NDUFAF6: variants seen among roughly 807,000 people sequenced by gnomAD.
The protein encoded by NDUFAF6 is NADH dehydrogenase (ubiquinone) complex I, assembly factor 6.
Under a neutral mutation model 40.8 loss-of-function variants are expected in NDUFAF6, and 45 were observed. The observed-to-expected ratio is 1.10, with a 90% CI of 0.87 to 1.42. NDUFAF6 has a LOEUF of 1.42. Ranked by LOEUF, NDUFAF6 falls within the 40% of genes most tolerant of loss-of-function variation. The pLI is 0.00. For synonymous variants in NDUFAF6, 185 were observed against 155.9 expected, an observed-to-expected ratio of 1.19 and a Z score of -1.39; for missense variants, 435 against 418.5, an observed-to-expected ratio of 1.04 and a Z score of -0.34.
Position 95,044,451 on chromosome 8 carries a change from C to CTTTTTTTTTTTTTTTTTTTTTTT in NDUFAF6, c.478-1076_478-1075insTTTTTTTTTTTTTTTTTTTTTTT, listed in dbSNP as rs71273446. ...CTGGAATCATTGCTGATGTCATTTT[C>CTTTTTTTTTTTTTTTTTTTTTTT]TTTTTTTTTTTTTTTTTTGAGACAG... On this transcript the variant is annotated intron_variant, in intron 4 of 8. Coordinates refer to ENST00000396124, the MANE Select transcript of NDUFAF6 (RefSeq NM_152416.4). The CTTTTTTTTTTTTTTTTTTTTTTT allele has an allele frequency of 2.4e-5, 3 of 123,710 alleles. 1 individual carries two copies. Among genetic ancestry groups the CTTTTTTTTTTTTTTTTTTTTTTT allele is most frequent in the Non-Finnish European group, 1.6e-5 (1 of 62,814 alleles). The allele number at this position is 123,710 out of a possible 1,614,324, so 7.7% of individuals were successfully genotyped here. A position where few individuals can be genotyped will look rare whatever the true frequency, so the allele number is the denominator to read the frequency against.
intron 1 of NDUFAF6, among the ~76,000 whole-genome samples, chr8:94,907,478 A>T (rs1218723336): frequency 6.6e-6 from 1 of 152,198 alleles, no homozygotes; most frequent in African/African-American, 2.4e-5. Context: ...TCAATCATAC[A>T]TTTGCAGAAT....
chr8:95,105,584 G>A (rs1347407028), downstream of NDUFAF6, among the ~76,000 whole-genome samples: 1 of 152,110 alleles, frequency 6.6e-6, no homozygotes, highest in Non-Finnish European at 1.5e-5. Context: ...GCCCAGGCTG[G>A]AGTGCCTCCT....
chr8:94,962,191 T>C (rs1823633937), intron 1 of NDUFAF6, among the ~76,000 whole-genome samples: 1 of 152,198 alleles, frequency 6.6e-6, no homozygotes. Context: ...TACACAATGC[T>C]CAGAGGCACA....
intron 2 of NDUFAF6, among the ~76,000 whole-genome samples, chr8:95,005,526 A>AATATATATATATATATAT (rs760333438): frequency 2.1e-3 from 15 of 7,270 alleles, no homozygotes; most frequent in African/African-American, 0.011. Flanking sequence ...GGTCCTTTTA[A>AATATATATATATATATAT]ATATATATAT....
At chr8:95,094,172 A>T (rs1301012777) in intron 2 of NDUFAF6, among the ~76,000 whole-genome samples, 1 of 152,100 alleles carries the variant, frequency 6.6e-6, no homozygotes, top group Non-Finnish European at 1.5e-5. Context: ...GGTTTTCGCC[A>T]TGTTGGCCAG....
chr8:95,065,686 GCTTAAGCCACCATCCCATGGAATATT>G (rs141092477), intron 9 of NDUFAF6, among the ~76,000 whole-genome samples: 10,560 of 152,148 alleles, frequency 0.069, 530 homozygotes, highest in Non-Finnish European at 0.11. Context: ...AAATAAAGTT[GCTTAAGCCACCATCCCATGGAATATT>G]CTCTGAAAAG....
chr8:94,938,734 G>C (rs1395726413), intron 1 of NDUFAF6, among the ~76,000 whole-genome samples: 1 of 152,216 alleles, frequency 6.6e-6, no homozygotes, highest in African/African-American at 2.4e-5. Context: ...GAGGGCATGG[G>C]CCTTGCCTTA....
upstream of NDUFAF6, among the ~76,000 whole-genome samples, chr8:94,954,998 A>G (rs542450438): frequency 1.4e-4 from 22 of 152,196 alleles, no homozygotes; most frequent in Non-Finnish European, 2.5e-4. Context: ...GCTGTCTGGT[A>G]AGGAAGGAAA....
chr8:95,039,368 G>A lies in NDUFAF6; in HGVS notation c.421-2202G>A, dbSNP rs567100876. The stretch of plus-strand genomic sequence containing the variant: ...CTCGGGAGGCTGAGGCAGGAGAATC[G>A]CTTGAACCGGGGAGGTGGAGGTTGC... On this transcript the variant is annotated intron_variant, in intron 3 of 8. Transcript: ENST00000396124. 1.6e-4 allele frequency among the ~76,000 whole-genome samples: 24 copies of A among 151,832 alleles called. No homozygotes were observed. The East Asian group carries it at 3.5e-3, about 22-fold the overall frequency.
chr8:94,923,508 C>T (rs1289989116), intron 1 of NDUFAF6, among the ~76,000 whole-genome samples: 2 of 152,134 alleles, frequency 1.3e-5, no homozygotes, highest in Non-Finnish European at 1.5e-5. Flanking sequence ...CTAACCTATT[C>T]CACTTCCTGT....
At chr8:95,060,278 A>G (rs540380428), downstream of NDUFAF6, among the ~76,000 whole-genome samples, 1 of 152,126 alleles carries the variant, frequency 6.6e-6, no homozygotes. Flanking sequence ...TGATTTTTTC[A>G]AATCTCTGGG....
chr8:94,960,962 C>T (rs1048102015), intron 1 of NDUFAF6, among the ~76,000 whole-genome samples: 2 of 152,130 alleles, frequency 1.3e-5, no homozygotes, highest in African/African-American at 4.8e-5. Flanking sequence ...TAATTATTAC[C>T]CAAGAAAACA....
At chr8:95,064,323 T>G (rs527817937) in intron 9 of NDUFAF6, among the ~76,000 whole-genome samples, 10 of 152,264 alleles carry the variant, frequency 6.6e-5, no homozygotes, top group African/African-American at 2.4e-4. Flanking sequence ...TAGATCTGTT[T>G]GAATCTTGCT....
chr8:94,977,832 A>G (rs1825095892), intron 1 of NDUFAF6, among the ~76,000 whole-genome samples: 2 of 152,058 alleles, frequency 1.3e-5, no homozygotes, highest in South Asian at 4.1e-4. Flanking sequence ...AGTCTAGGGA[A>G]TATCTGTTCT....
At chr8:94,992,487 CAAAA>C (rs1826239249) in intron 2 of NDUFAF6, among the ~76,000 whole-genome samples, 1 of 150,390 alleles carries the variant, frequency 6.6e-6, no homozygotes, top group Non-Finnish European at 1.5e-5. Flanking sequence ...ACTCCCGTCT[CAAAA>C]GAAAAAAAAA....
chr8:95,002,519 A>G (rs1269983316), intron 2 of NDUFAF6, among the ~76,000 whole-genome samples: 1 of 152,224 alleles, frequency 6.6e-6, no homozygotes, highest in African/African-American at 2.4e-5. Context: ...CCAAGAACAC[A>G]AACAATTAAA....
intron 2 of NDUFAF6, among the ~76,000 whole-genome samples, chr8:94,952,093 TCTC>T (rs1297745066): frequency 5.9e-5 from 9 of 152,214 alleles, no homozygotes; most frequent in Admixed American, 5.9e-4. Flanking sequence ...CTGTCAGAGT[TCTC>T]CTGTCTGTTT....
At chr8:95,062,711 G>A (rs370630138), downstream of NDUFAF6, among the ~76,000 whole-genome samples, 2 of 152,220 alleles carry the variant, frequency 1.3e-5, no homozygotes, top group East Asian at 3.8e-4. Context: ...CTCCCAAAAT[G>A]CCTGTTGTCT....
intron 2 of NDUFAF6, among the ~76,000 whole-genome samples, chr8:94,989,873 C>T (rs963162498): frequency 3.9e-5 from 6 of 152,092 alleles, no homozygotes; most frequent in East Asian, 1.9e-4. Flanking sequence ...ACTACAGGTG[C>T]GCACCACCTC....
Sources: gnomAD v4.1 joint callset for allele counts (sites outside exome capture counted in the v4.1 genomes callset) on GRCh38, gnomAD v4.1.1 for gene constraint, MANE v1.5 for transcripts, NCBI Gene and HGNC (gene_info 2026-07-23, HGNC 2026-07-21) for gene names.